The following YTHDC2 variants were observed in gnomAD, a reference collection of about 807,000 sequenced individuals.
YTHDC2 encodes the protein YTH N6-methyladenosine RNA binding protein C2, also known as 3'-5' RNA helicase YTHDC2.
YTHDC2 carries 45 observed loss-of-function variants against 174.9 expected under a neutral mutation model. That is an observed-to-expected ratio of 0.26 (90% CI 0.20 to 0.33). The LOEUF (loss-of-function observed/expected upper bound fraction) is 0.33, where lower values mean the gene tolerates loss of function less well. YTHDC2 is among the 10% of genes least tolerant of loss of function. YTHDC2 has a pLI of 1.00. For missense variants in YTHDC2, 1,650 were observed against 1,723.7 expected (o/e 0.96, Z 0.76); for synonymous variants, 657 against 574.5 (o/e 1.14, Z -2.05).
At position 113,553,181 on chromosome 5, in the gene YTHDC2, T is replaced by C; in HGVS notation, c.1689T>C (p.Ser563=). The change falls in exon 13 of 30, where the codon AGT becomes AGC. Residue 563 remains serine (S), a splice_region_variant and synonymous_variant. Coordinates refer to ENST00000161863, the MANE Select transcript of YTHDC2 (RefSeq NM_022828.5). The stretch of plus-strand genomic sequence containing the variant: ...TCTTTTTTTTTTTTTTTTTTTTCAG[T>C]GCTACACTGGAATTTGGAAATCTAG... ...TEIVDLLESY[S]ATLEFGNLDE... 2 of 1,334,838 alleles carry C rather than the reference T, an allele frequency of 1.5e-6. No homozygotes were observed. The highest frequency in any genetic ancestry group is 9.7e-7 in the Non-Finnish European group (1 of 1,026,690). The allele number at this position is 1,334,838 out of a possible 1,614,324, so 82.7% of individuals were successfully genotyped here. A position where few individuals can be genotyped will look rare whatever the true frequency, so the allele number is the denominator to read the frequency against.
intron 17 of YTHDC2, 166 bp downstream of exon 17, chr5:113,556,300 G>GT (rs1776605833): frequency 2.3e-6 from 1 of 435,906 alleles, no homozygotes; most frequent in Admixed American, 4.0e-5. Flanking sequence ...TTCCTTAAAA[G>GT]TTGAATGTAG....
At chr5:113,573,405 T>G (rs1039169442) in intron 23 of YTHDC2, among the ~76,000 whole-genome samples, 1 of 152,180 alleles carries the variant, frequency 6.6e-6, no homozygotes, top group African/African-American at 2.4e-5. Context: ...TTAACATTTT[T>G]TCTTTCCTTT....
At chr5:113,534,758 G>T (rs992517191) in intron 6 of YTHDC2, among the ~76,000 whole-genome samples, 1 of 152,030 alleles carries the variant, frequency 6.6e-6, no homozygotes, top group Non-Finnish European at 1.5e-5. Flanking sequence ...ATACTTGGTT[G>T]TTTGATCCCT....
chr5:113,534,969 C>A (rs942567316), intron 6 of YTHDC2, among the ~76,000 whole-genome samples: 1 of 152,056 alleles, frequency 6.6e-6, no homozygotes, highest in Non-Finnish European at 1.5e-5. Flanking sequence ...AGAAACTTAC[C>A]CAAACCAAAG....
At chr5:113,563,733 T>C (rs1390895044) in intron 19 of YTHDC2, 126 bp from the exon 20 acceptor site, 2 of 1,138,292 alleles carry the variant, frequency 1.8e-6, no homozygotes, top group Non-Finnish European at 2.5e-6. Context: ...AAACGAAATA[T>C]ATTTTTATGA....
chr5:113,579,736 A>AGTT (rs1345273184), intron 24 of YTHDC2, 41 bp downstream of exon 24: 1 of 1,546,506 alleles, frequency 6.5e-7, no homozygotes, highest in East Asian at 2.3e-5. Flanking sequence ...TCTTTCATTC[A>AGTT]GTTAGTGTGA....
intron 23 of YTHDC2, among the ~76,000 whole-genome samples, chr5:113,576,462 G>A (rs530843947): frequency 3.9e-5 from 6 of 152,078 alleles, no homozygotes; most frequent in South Asian, 2.1e-4. Context: ...TATTTTCTTC[G>A]TGATAAAACT....
Position 113,563,358 on chromosome 5 carries a change from T to C in YTHDC2, c.2323-15T>C, listed in dbSNP as rs547947104. On this transcript the variant is annotated splice_polypyrimidine_tract_variant and intron_variant, in intron 18 of 29. Transcript: ENST00000161863. ...TTTTTAATTTTAAAAAATTATTTAC[T>C]GTTTTGGTTTATAGGAACTTTGCTT... is the stretch of plus-strand genomic sequence containing the variant. 7.5e-6 allele frequency: 12 copies of C among 1,589,406 alleles called. No homozygotes were observed. The East Asian group carries it at 2.2e-4, about 30-fold the overall frequency.
intron 26 of YTHDC2, among the ~76,000 whole-genome samples, chr5:113,589,408 A>ATATATATATATAT (rs1554103528): frequency 8.9e-5 from 11 of 123,258 alleles, no homozygotes; most frequent in African/African-American, 2.1e-4. Flanking sequence ...AAAAAAAAAA[A>ATATATATATATAT]ATATATATAT....
intron 2 of YTHDC2, among the ~76,000 whole-genome samples, chr5:113,518,524 C>T (rs185672317): frequency 2.0e-4 from 30 of 150,862 alleles, no homozygotes; most frequent in African/African-American, 5.8e-4. Context: ...AATAATCTAT[C>T]GTTAACTTTA....
chr5:113,584,296 C>G lies in YTHDC2; in HGVS notation c.3648-6C>G. The G allele has an allele frequency of 6.2e-7, 1 of 1,603,530 alleles. No homozygotes were observed. Among genetic ancestry groups the G allele is most frequent in the Non-Finnish European group, 8.5e-7 (1 of 1,174,878 alleles). ...ACTGATCTTTGCTTCCTCCTTCTTG[C>G]TCAAGAGTACTGATGAAATCTCCAT... On this transcript the variant is annotated splice_polypyrimidine_tract_variant and splice_region_variant and intron_variant, in intron 25 of 29. Coordinates refer to ENST00000161863, the MANE Select transcript of YTHDC2 (RefSeq NM_022828.5).
intron 3 of YTHDC2, among the ~76,000 whole-genome samples, chr5:113,525,763 T>C (rs1774179764): frequency 1.3e-5 from 2 of 152,146 alleles, no homozygotes; most frequent in African/African-American, 4.8e-5. Flanking sequence ...AATTTTACTA[T>C]TTGGAAAGAT....
At chr5:113,571,997 T>C (rs1348751393) in intron 23 of YTHDC2, among the ~76,000 whole-genome samples, 2 of 152,202 alleles carry the variant, frequency 1.3e-5, no homozygotes, top group African/African-American at 4.8e-5. Flanking sequence ...ATTAGTTATT[T>C]CATGTCTTCT....
chr5:113,520,638 C>T (rs1773799903), intron 2 of YTHDC2, among the ~76,000 whole-genome samples: 1 of 152,050 alleles, frequency 6.6e-6, no homozygotes, highest in African/African-American at 2.4e-5. Context: ...GTGGATGACT[C>T]CCATGGCCTT....
intron 29 of YTHDC2, 31 bp downstream of exon 29, chr5:113,593,421 G>A: frequency 1.3e-6 from 2 of 1,509,384 alleles, no homozygotes; most frequent in South Asian, 1.1e-5. Context: ...AGTATTGGCA[G>A]TATTTGTGAT....
At chr5:113,585,001 A>C (rs1286864587) in intron 26 of YTHDC2, among the ~76,000 whole-genome samples, 1 of 149,924 alleles carries the variant, frequency 6.7e-6, no homozygotes, top group Non-Finnish European at 1.5e-5. Context: ...GGTTGGCCTC[A>C]AACTCCTGGG....
intron 7 of YTHDC2, among the ~76,000 whole-genome samples, chr5:113,536,247 C>T (rs1340278371): frequency 1.3e-5 from 2 of 152,130 alleles, no homozygotes; most frequent in African/African-American, 4.8e-5. Context: ...AAAGTTAGGC[C>T]GGGCGTGGGG....
intron 2 of YTHDC2, among the ~76,000 whole-genome samples, chr5:113,520,967 T>C (rs577154034): frequency 1.1e-4 from 16 of 152,324 alleles, no homozygotes; most frequent in African/African-American, 3.8e-4. Context: ...TATGTGTCCA[T>C]GTGTTTTCAT....
chr5:113,581,849 G>A (rs957646971), intron 25 of YTHDC2, 140 bp downstream of exon 25: 1 of 702,572 alleles, frequency 1.4e-6, no homozygotes, highest in Non-Finnish European at 2.0e-6. Flanking sequence ...GCAATAAAGT[G>A]GAAAGAGTTT....
Sources: allele counts gnomAD v4.1 joint callset (sites outside exome capture counted in the v4.1 genomes callset), GRCh38; gene constraint gnomAD v4.1.1; transcripts MANE v1.5; gene names NCBI Gene and HGNC (gene_info 2026-07-23, HGNC 2026-07-21).